DEDD2: variants seen among roughly 807,000 people sequenced by gnomAD.
The protein encoded by DEDD2 is DNA-binding death effector domain-containing protein 2.
In DEDD2, 18 loss-of-function variants were observed where a neutral mutation model predicts 28.9. The observed-to-expected ratio is 0.62, with a 90% confidence interval of 0.43 to 0.92. The LOEUF is 0.92. Ranked by LOEUF, DEDD2 falls within the 40% of genes least tolerant of loss-of-function variation. The probability of loss-of-function intolerance (pLI) is 0.00; values close to 1 mark genes in which losing one functional copy is unlikely to be tolerated. For synonymous variants in DEDD2, 211 were observed against 206.1 expected (o/e 1.02, Z -0.20); for missense variants, 411 against 463.3 (o/e 0.89, Z 1.04).
chr19:42,209,812 C>A lies in DEDD2; in HGVS notation c.477G>T (p.Arg159=). ...CACCACCACTGGGCCGGCCCCGACT[C>A]CGCCGCTGCCGCTTGGTTGGGGGGG... ...TGSPPTKRQR[R]SRGRPSGGAR... is the part of the protein sequence containing the mutation. Residue 159 remains arginine, a synonymous_variant, in exon 4 of 5, where the codon CGG becomes CGT. Transcript: ENST00000596251. The A allele has an allele frequency of 6.4e-7, 1 of 1,554,698 alleles. No individual in the cohort carries two copies. The highest frequency in any genetic ancestry group is 8.7e-7 in the Non-Finnish European group (1 of 1,153,622).
chr19:42,219,914 A>C (rs1176262404), upstream of DEDD2, among the ~76,000 whole-genome samples: 8 of 152,200 alleles, frequency 5.3e-5, no homozygotes, highest in Non-Finnish European at 5.9e-5. Context: ...ACTCAAGCTC[A>C]CTTCACACCA....
Position 42,214,994 on chromosome 19 carries a change from G to A in DEDD2, c.448+139C>T, listed in dbSNP as rs1301047821. ...GTTGCTTCAGAACAGAGTATCTGTA[G>A]CAATAAACACACACACACACACACA... is the stretch of plus-strand genomic sequence containing the variant. On this transcript the variant is annotated intron_variant, in intron 3 of 4. Coordinates refer to ENST00000596251, the MANE Select transcript of DEDD2 (RefSeq NM_133328.4). 4 of 1,251,138 alleles carry A rather than the reference G, an allele frequency of 3.2e-6. No homozygotes were observed. In the South Asian group the frequency reaches 5.9e-5, roughly 19 times the overall value. The allele number at this position is 1,251,138 out of a possible 1,614,324, so 77.5% of individuals were successfully genotyped here. A position where few individuals can be genotyped will look rare whatever the true frequency, so the allele number is the denominator to read the frequency against.
chr19:42,214,915 C>T (rs2146904641), intron 3 of DEDD2, among the ~76,000 whole-genome samples: 1 of 152,162 alleles, frequency 6.6e-6, no homozygotes, highest in Non-Finnish European at 1.5e-5. Context: ...GAGTAATACC[C>T]ACAATGTAAT....
chr19:42,205,284 G>C (rs1275512462), intron 4 of DEDD2, among the ~76,000 whole-genome samples: 1 of 152,140 alleles, frequency 6.6e-6, no homozygotes, highest in Non-Finnish European at 1.5e-5. Flanking sequence ...TCTGAGCACC[G>C]ATCAGATATT....
intron 2 of DEDD2, among the ~76,000 whole-genome samples, 158 bp downstream of exon 2, chr19:42,216,522 C>T (rs548658340): frequency 3.7e-4 from 56 of 152,358 alleles, no homozygotes; most frequent in African/African-American, 1.1e-3. Flanking sequence ...ATGCTTTCTT[C>T]CTCTTATGTT....
intron 4 of DEDD2, among the ~76,000 whole-genome samples, chr19:42,203,471 G>A (rs573451446): frequency 3.3e-5 from 5 of 152,330 alleles, no homozygotes; most frequent in South Asian, 4.1e-4. Context: ...CTGAGGGGCC[G>A]GCGTGGCAGG....
intron 4 of DEDD2, among the ~76,000 whole-genome samples, chr19:42,200,253 CTCT>C (rs2146846975): frequency 6.6e-6 from 1 of 152,352 alleles, no homozygotes; most frequent in Non-Finnish European, 1.5e-5. Flanking sequence ...TTCCAACCTC[CTCT>C]GTCAGTTACT....
rs748785692 is a variant in DEDD2 at position 42,216,870 on chromosome 19, G to A, written c.138C>T (p.Ala46=). 4 of 1,595,968 alleles carry A rather than the reference G, an allele frequency of 2.5e-6. No individual in the cohort carries two copies. The highest frequency in any genetic ancestry group is 2.3e-5 in the South Asian group (2 of 88,628). The change falls in exon 2 of 5, where the codon GCC becomes GCT. Residue 46 remains alanine (A), a synonymous_variant. Coordinates refer to ENST00000596251, the MANE Select transcript of DEDD2 (RefSeq NM_133328.4). ...CGCCAGGAGCCTCATCCAGCAGAAA[G>A]GCCAGGAGCTCCAGCTCGCACTCGG... The part of the protein sequence containing the change: ...QLTECELELL[A]FLLDEAPGAA...
At chr19:42,216,552 A>C in intron 2 of DEDD2, 128 bp downstream of exon 2, 1 of 937,242 alleles carries the variant, frequency 1.1e-6, no homozygotes. Flanking sequence ...TATTGTGGGA[A>C]GAGAGAGTAG....
chr19:42,215,334 G>A, intron 2 of DEDD2, 82 bp from the exon 3 acceptor site: 2 of 1,568,178 alleles, frequency 1.3e-6, no homozygotes, highest in African/African-American at 1.4e-5. Flanking sequence ...GCACCACGAG[G>A]TGCCTAAGTT....
At chr19:42,216,021 G>A (rs1237290496) in intron 2 of DEDD2, among the ~76,000 whole-genome samples, 2 of 152,144 alleles carry the variant, frequency 1.3e-5, no homozygotes, top group East Asian at 1.9e-4. Flanking sequence ...ACTGGCCTCT[G>A]ATGATGCCAA....
intron 4 of DEDD2, among the ~76,000 whole-genome samples, chr19:42,200,578 T>C (rs180821491): frequency 1.5e-3 from 222 of 152,326 alleles, no homozygotes; most frequent in African/African-American, 5.2e-3. Flanking sequence ...CTGGCTCTAC[T>C]GGGAGTCAGG....
intron 4 of DEDD2, among the ~76,000 whole-genome samples, chr19:42,200,544 G>A (rs749959293): frequency 1.3e-4 from 20 of 152,214 alleles, no homozygotes; most frequent in East Asian, 5.8e-4. Flanking sequence ...GACCAGGCCC[G>A]GGAGGCTTGC....
intron 4 of DEDD2, among the ~76,000 whole-genome samples, chr19:42,202,301 C>T (rs1045713209): frequency 3.3e-5 from 5 of 152,082 alleles, no homozygotes; most frequent in African/African-American, 4.8e-5. Flanking sequence ...CAGTCCCTGC[C>T]GTGTCCCCCC....
At chr19:42,213,063 A>G (rs1056042435) in intron 3 of DEDD2, among the ~76,000 whole-genome samples, 5 of 152,208 alleles carry the variant, frequency 3.3e-5, no homozygotes, top group African/African-American at 1.2e-4. Context: ...TGCGGAAGGG[A>G]AAGTTCAAAG....
Position 42,209,984 on chromosome 19 carries a change from A to G in DEDD2, c.449-144T>C, listed in dbSNP as rs1217914796. On this transcript the variant is annotated intron_variant, in intron 3 of 4. Coordinates refer to ENST00000596251, the MANE Select transcript of DEDD2 (RefSeq NM_133328.4). ...CCTCCCTTCTTCAGTGGCCCTGTCT[A>G]AAAGATGAAGAGTACCATCTAGCAT... 4.3e-6 allele frequency: 5 copies of G among 1,174,386 alleles called. No individual in the cohort carries two copies. The African/African-American group carries it at 6.4e-5, about 15-fold the overall frequency. The allele number at this position is 1,174,386 out of a possible 1,614,324, so 72.7% of individuals were successfully genotyped here. A position where few individuals can be genotyped will look rare whatever the true frequency, so the allele number is the denominator to read the frequency against.
rs745574101 is a variant in DEDD2 at position 42,215,177 on chromosome 19, TGCCGAC to T, written c.398_403del (p.Arg133_Arg134del). The T allele has an allele frequency of 8.7e-6, 14 of 1,614,078 alleles. No individual in the cohort carries two copies. The highest frequency in any genetic ancestry group is 9.3e-6 in the Non-Finnish European group (11 of 1,180,056). On this transcript the variant is annotated inframe_deletion, in exon 3 of 5. Coordinates refer to ENST00000596251, the MANE Select transcript of DEDD2 (RefSeq NM_133328.4). ...CTGAGAATTTGCAGAACTGCTTGACTGCCGACGGCGACGGCAGCTACCCTCTGTCCT... is the reference window on the plus strand; with the variant it reads ...CTGAGAATTTGCAGAACTGCTTGACTGGCGACGGCAGCTACCCTCTGTCCT...
chr19:42,211,002 G>A (rs1040791371), intron 3 of DEDD2, among the ~76,000 whole-genome samples: 1 of 150,888 alleles, frequency 6.6e-6, no homozygotes, highest in Admixed American at 6.6e-5. Flanking sequence ...CCCAGGAGCT[G>A]GAGGCTGCAG....
At chr19:42,203,144 A>T (rs2035397093) in intron 4 of DEDD2, among the ~76,000 whole-genome samples, 1 of 152,092 alleles carries the variant, frequency 6.6e-6, no homozygotes. Context: ...CTGGAATTTT[A>T]CCTCACGTGT....
Sources: allele counts gnomAD v4.1 joint callset (sites outside exome capture counted in the v4.1 genomes callset), GRCh38; gene constraint gnomAD v4.1.1; transcripts MANE v1.5; gene names NCBI Gene and HGNC (gene_info 2026-07-23, HGNC 2026-07-21).